ARB2A: variants seen among roughly 807,000 people sequenced by gnomAD.
The protein encoded by ARB2A is cotranscriptional regulator ARB2A.
At chr5:93,626,282 C>T in the ARB2A span, among the ~76,000 whole-genome samples, 2 of 152,180 alleles carry the variant, frequency 1.3e-5, no homozygotes, top group Non-Finnish European at 2.9e-5. Context: ...ATATCACACA[C>T]ACACATGCAT....
At chr5:93,739,650 A>C in the ARB2A span, 3 of 152,192 alleles carry the variant, frequency 2.0e-5, no homozygotes, top group Non-Finnish European at 4.4e-5. Context: ...AAAACTGAAA[A>C]GACCAATTTC....
At chr5:93,895,408 A>T in the ARB2A span, among the ~76,000 whole-genome samples, 1 of 152,206 alleles carries the variant, frequency 6.6e-6, no homozygotes, top group African/African-American at 2.4e-5. Context: ...TCTATCAATT[A>T]CTGTAAATCT....
chr5:93,703,810 C>T, the ARB2A span, among the ~76,000 whole-genome samples: 1 of 152,138 alleles, frequency 6.6e-6, no homozygotes, highest in South Asian at 2.1e-4. Flanking sequence ...GTCTGGTGCC[C>T]TCAGTACCCT....
the ARB2A span, among the ~76,000 whole-genome samples, chr5:93,762,211 G>C: frequency 0.013 from 2,048 of 152,302 alleles, 21 homozygotes; most frequent in Non-Finnish European, 0.018. Context: ...GAATGACTTT[G>C]ATGAGTTGAG....
chr5:93,688,830 A>AG, the ARB2A span, among the ~76,000 whole-genome samples: 1 of 152,170 alleles, frequency 6.6e-6, no homozygotes, highest in Non-Finnish European at 1.5e-5. Flanking sequence ...ATCAATATTC[A>AG]GGACCCACTG....
At chr5:94,012,618 G>A in the ARB2A span, among the ~76,000 whole-genome samples, 1 of 152,170 alleles carries the variant, frequency 6.6e-6, no homozygotes, top group Admixed American at 6.5e-5. Context: ...TCAACTGCCA[G>A]GTACATCAGG....
chr5:93,668,592 A>G, the ARB2A span, among the ~76,000 whole-genome samples: 6 of 152,226 alleles, frequency 3.9e-5, no homozygotes, highest in East Asian at 1.2e-3. Flanking sequence ...CAGACAAAGA[A>G]CAAAATGCAA....
the ARB2A span, among the ~76,000 whole-genome samples, chr5:93,936,318 A>G: frequency 6.6e-6 from 1 of 152,162 alleles, no homozygotes; most frequent in East Asian, 1.9e-4. Flanking sequence ...ACTAGAATAC[A>G]GAGTGAGAGA....
the ARB2A span, among the ~76,000 whole-genome samples, chr5:93,948,082 C>T: frequency 2.5e-4 from 38 of 152,208 alleles, no homozygotes; most frequent in Admixed American, 1.7e-3. Context: ...CCTGAGGAAT[C>T]GCCACACTGA....
At chr5:93,986,330 C>A in the ARB2A span, among the ~76,000 whole-genome samples, 2 of 151,464 alleles carry the variant, frequency 1.3e-5, no homozygotes, top group African/African-American at 4.9e-5. Context: ...AGGTGGGGGG[C>A]GCCCCCGCCC....
chr5:94,028,996 G>T, the ARB2A span, among the ~76,000 whole-genome samples: 1 of 151,996 alleles, frequency 6.6e-6, no homozygotes, highest in Non-Finnish European at 1.5e-5. Context: ...GGCGGGGGGA[G>T]GGAGTGTTTT....
the ARB2A span, among the ~76,000 whole-genome samples, chr5:93,951,140 GTC>G: frequency 6.6e-6 from 1 of 151,990 alleles, no homozygotes; most frequent in Non-Finnish European, 1.5e-5. Flanking sequence ...TTTGAGAAAA[GTC>G]TATTAGGATC....
At chr5:93,967,848 T>C in the ARB2A span, among the ~76,000 whole-genome samples, 2 of 152,078 alleles carry the variant, frequency 1.3e-5, no homozygotes, top group African/African-American at 4.8e-5. Flanking sequence ...TGAGACCTAA[T>C]AGAGGACTAT....
chr5:93,748,595 C>A, the ARB2A span, among the ~76,000 whole-genome samples: 4 of 151,992 alleles, frequency 2.6e-5, no homozygotes, highest in Non-Finnish European at 4.4e-5. Context: ...ATAACAACTA[C>A]AGGAAGTCCT....
the ARB2A span, among the ~76,000 whole-genome samples, chr5:93,858,004 T>C: frequency 6.6e-6 from 1 of 152,188 alleles, no homozygotes; most frequent in African/African-American, 2.4e-5. Flanking sequence ...TCTTTAGTCA[T>C]ACTAATGGCT....
At chr5:93,661,461 G>A in the ARB2A span, among the ~76,000 whole-genome samples, 1 of 152,112 alleles carries the variant, frequency 6.6e-6, no homozygotes, top group Non-Finnish European at 1.5e-5. Context: ...GTCATCTTTT[G>A]TTTCACATTA....
the ARB2A span, among the ~76,000 whole-genome samples, chr5:93,849,162 G>A: frequency 6.6e-6 from 1 of 152,026 alleles, no homozygotes; most frequent in African/African-American, 2.4e-5. Context: ...TTGGGAGCAC[G>A]TCGTAGCTCA....
chr5:93,654,820 C>G, the ARB2A span, among the ~76,000 whole-genome samples: 2 of 152,208 alleles, frequency 1.3e-5, no homozygotes, highest in African/African-American at 4.8e-5. Context: ...ATGCCTGCAG[C>G]CTTCTGTTGC....
the ARB2A span, among the ~76,000 whole-genome samples, chr5:93,882,892 T>C: frequency 3.3e-5 from 5 of 151,514 alleles, no homozygotes; most frequent in African/African-American, 4.8e-5. Flanking sequence ...GTAGTATATA[T>C]AGTTTTTCAA....
Sources: allele counts gnomAD v4.1 joint callset (sites outside exome capture counted in the v4.1 genomes callset), GRCh38; gene constraint gnomAD v4.1.1; transcripts MANE v1.5; gene names NCBI Gene and HGNC (gene_info 2026-07-23, HGNC 2026-07-21).